The following RPH3AL variants were observed in gnomAD, a reference collection of about 807,000 sequenced individuals.
The protein encoded by RPH3AL is rabphilin 3A like (without C2 domains), also known as rab effector Noc2.
Under a neutral mutation model 43.1 loss-of-function variants are expected in RPH3AL, and 38 were observed. The ratio of observed to expected loss-of-function variants is 0.88; its 90% CI spans 0.68 to 1.15. The LOEUF (loss-of-function observed/expected upper bound fraction) is 1.15, where lower values mean the gene tolerates loss of function less well. RPH3AL is among the 50% of genes most tolerant of loss of function. The pLI, the probability that RPH3AL is intolerant of heterozygous loss-of-function variation, is 0.00. For missense variants in RPH3AL, 462 were observed against 423.2 expected (o/e 1.09, Z -0.81); for synonymous variants, 189 against 176.3 (o/e 1.07, Z -0.57).
chr17:239,686 G>C (rs1221900592), intron 7 of RPH3AL, among the ~76,000 whole-genome samples: 3 of 152,092 alleles, frequency 2.0e-5, no homozygotes, highest in East Asian at 1.9e-4. Context: ...GAGTGCAGTG[G>C]TGCAGTCTCA....
intron 7 of RPH3AL, among the ~76,000 whole-genome samples, chr17:232,577 AC>A (rs1451683792): frequency 6.6e-6 from 1 of 151,408 alleles, no homozygotes; most frequent in Non-Finnish European, 1.5e-5. Flanking sequence ...GTGCAGCGTC[AC>A]CCCCCTCCCC....
Position 212,398 on chromosome 17 carries a change from G to T in RPH3AL, c.*1454C>A, listed in dbSNP as rs1041840535. 7 of 152,154 alleles carry T rather than the reference G, an allele frequency of 4.6e-5. No homozygotes were observed. The highest frequency in any genetic ancestry group is 4.6e-4 in the Admixed American group (7 of 15,272). The allele number at this position is 152,154 out of a possible 1,614,324, so 9.4% of individuals were successfully genotyped here. A position where few individuals can be genotyped will look rare whatever the true frequency, so the allele number is the denominator to read the frequency against. On this transcript the variant is annotated 3_prime_UTR_variant, in exon 10 of 10. Coordinates refer to ENST00000331302, the MANE Select transcript of RPH3AL (RefSeq NM_006987.4). Reference sequence around the variant, plus strand: ...CTCCTTTCACTGCGGCTTAGGAAGGGTTCCAGCAAGTCAACGCACCACAGT... The same window carrying T: ...CTCCTTTCACTGCGGCTTAGGAAGGTTTCCAGCAAGTCAACGCACCACAGT...
intron 3 of RPH3AL, among the ~76,000 whole-genome samples, chr17:326,854 C>A (rs977282093): frequency 6.6e-6 from 1 of 152,042 alleles, no homozygotes; most frequent in Admixed American, 6.6e-5. Context: ...CCAGCCTGGG[C>A]GACAAGAAAA....
At chr17:236,244 A>G (rs940783646) in intron 7 of RPH3AL, among the ~76,000 whole-genome samples, 1 of 152,212 alleles carries the variant, frequency 6.6e-6, no homozygotes, top group African/African-American at 2.4e-5. Context: ...GAATGCTGCC[A>G]TTGACAGGGA....
At chr17:214,478 A>T (rs2040745325) in intron 9 of RPH3AL, among the ~76,000 whole-genome samples, 1 of 152,214 alleles carries the variant, frequency 6.6e-6, no homozygotes, top group Admixed American at 6.5e-5. Context: ...ACAAAAATGC[A>T]ATTTCAATTG....
chr17:311,994 G>A (rs1283542767), intron 5 of RPH3AL, among the ~76,000 whole-genome samples: 1 of 152,074 alleles, frequency 6.6e-6, no homozygotes, highest in South Asian at 2.1e-4. Flanking sequence ...AATCCGATAG[G>A]ACTAGTGTCT....
At chr17:238,262 A>C (rs1377881490) in intron 7 of RPH3AL, among the ~76,000 whole-genome samples, 1 of 151,832 alleles carries the variant, frequency 6.6e-6, no homozygotes, top group Admixed American at 6.6e-5. Flanking sequence ...GAGAGAGAGA[A>C]AGAGAAAAAG....
rs114986010 is a variant in RPH3AL, at chr17:308,348, G to C, written c.351+11072C>G. ...CTGACTTCTCCTAAGCCTTATGCTT[G>C]TGGGGATGTGAAATGGTGCAGCTGC... On this transcript the variant is annotated intron_variant, in intron 5 of 9. Transcript: ENST00000331302. Among the ~76,000 whole-genome samples the C allele has an allele frequency of 1.1e-3, 166 of 152,356 alleles. 1 individual carries two copies. Among genetic ancestry groups the C allele is most frequent in the African/African-American group, 3.7e-3 (152 of 41,588 alleles).
In RPH3AL at chr17:233,861, A is replaced by G. The variant is rs1276840106; in HGVS notation, c.613+13250T>C. Reference sequence around the variant, plus strand: ...CTTCCCCTGACCAACTTCCCTGAGCAGGGAGCGGCTACTTCCCCTGACCAA... The same window carrying G: ...CTTCCCCTGACCAACTTCCCTGAGCGGGGAGCGGCTACTTCCCCTGACCAA... On this transcript the variant is annotated intron_variant, in intron 7 of 9. Coordinates refer to ENST00000331302, the MANE Select transcript of RPH3AL (RefSeq NM_006987.4). Among the ~76,000 whole-genome samples the G allele has an allele frequency of 2.0e-4, 27 of 138,338 alleles. 1 individual carries two copies. Among genetic ancestry groups the G allele is most frequent in the African/African-American group, 7.1e-4 (24 of 33,846 alleles). The allele number at this position is 138,338 out of a possible 152,430, so 90.8% of individuals were successfully genotyped here.
chr17:307,362 TACGGCAGGTCCATCCC>T (rs1300958776), intron 5 of RPH3AL, among the ~76,000 whole-genome samples: 2 of 36,114 alleles, frequency 5.5e-5, no homozygotes, highest in East Asian at 1.3e-3. Flanking sequence ...AGGTCCATCC[TACGGCAGGTCCATCCC>T]ACGGCAGGTC....
intron 5 of RPH3AL, among the ~76,000 whole-genome samples, chr17:313,173 GCT>G (rs1303028396): frequency 6.6e-6 from 1 of 152,042 alleles, no homozygotes; most frequent in Admixed American, 6.5e-5. Context: ...AGAGGCTGAC[GCT>G]CTGTCTCAGC....
intron 5 of RPH3AL, among the ~76,000 whole-genome samples, chr17:300,198 G>A (rs9890406): frequency 3.3e-3 from 152 of 46,194 alleles, no homozygotes; most frequent in Middle Eastern, 9.1e-3. Context: ...CCCAGCCTAG[G>A]CCTGCAGAAT....
chr17:335,504 C>G (rs571711022), intron 1 of RPH3AL, among the ~76,000 whole-genome samples: 1 of 152,014 alleles, frequency 6.6e-6, no homozygotes. Context: ...CCGGCCGGCC[C>G]GTAGACTGAG....
At chr17:252,827 A>AT (rs2041941413) in intron 6 of RPH3AL, among the ~76,000 whole-genome samples, 1 of 152,228 alleles carries the variant, frequency 6.6e-6, no homozygotes, top group African/African-American at 2.4e-5. Context: ...AGCATCCCAA[A>AT]TCTGAAAATC....
chr17:331,463 C>T lies in RPH3AL; in HGVS notation c.-37+2296G>A, dbSNP rs1598148272. 6 of 854,022 alleles carry T rather than the reference C, an allele frequency of 7.0e-6. No homozygotes were observed. The East Asian group carries it at 1.9e-4, about 28-fold the overall frequency. The allele number at this position is 854,022 out of a possible 1,614,324, so 52.9% of individuals were successfully genotyped here. On this transcript the variant is annotated intron_variant, in intron 2 of 9. Transcript: ENST00000331302. ...TGAGGACCCAGGAGAATTCAGGCCC[C>T]GGCTCTGGGACGGCTGTGCACCCCC...
intron 6 of RPH3AL, among the ~76,000 whole-genome samples, chr17:272,133 T>C (rs944674975): frequency 1.1e-4 from 17 of 152,082 alleles, no homozygotes; most frequent in South Asian, 2.1e-4. Flanking sequence ...TGTGGAGAAA[T>C]AGGAACAATT....
chr17:221,714 A>G, intron 7 of RPH3AL, among the ~76,000 whole-genome samples: 1 of 134,280 alleles, frequency 7.4e-6, no homozygotes, highest in Non-Finnish European at 1.6e-5. Flanking sequence ...ACCCAAGCAC[A>G]TCAGCTCTGA....
Position 290,431 on chromosome 17 carries a change from G to A in RPH3AL, c.352-8577C>T, listed in dbSNP as rs752018552. On this transcript the variant is annotated intron_variant, in intron 5 of 9. Coordinates refer to ENST00000331302, the MANE Select transcript of RPH3AL (RefSeq NM_006987.4). The surrounding 1 kb of genome is among the most constrained non-coding windows in gnomAD (Gnocchi z 4.2). The stretch of plus-strand genomic sequence containing the variant: ...ATGTTTACCAGACCATTCCCATGAC[G>A]GCTCCTGCCTGCCTCCCCCGGGGTG... Among the ~76,000 whole-genome samples, 2 of 152,086 alleles carry A rather than the reference G, an allele frequency of 1.3e-5. No individual in the cohort carries two copies. Among genetic ancestry groups the A allele is most frequent in the Non-Finnish European group, 1.5e-5 (1 of 68,020 alleles).
intron 5 of RPH3AL, among the ~76,000 whole-genome samples, chr17:292,139 A>T (rs2151623522): frequency 6.6e-6 from 1 of 152,274 alleles, no homozygotes; most frequent in Non-Finnish European, 1.5e-5. Flanking sequence ...AATTGTAATC[A>T]GGCCTGTGCA....
Sources: allele counts gnomAD v4.1 joint callset (sites outside exome capture counted in the v4.1 genomes callset), GRCh38; gene constraint gnomAD v4.1.1; non-coding constraint Gnocchi (gnomAD v3.1); transcripts MANE v1.5; gene names NCBI Gene and HGNC (gene_info 2026-07-23, HGNC 2026-07-21).